The following ITGB1 variants were observed in gnomAD, a reference collection of about 807,000 sequenced individuals.
The protein encoded by ITGB1 is integrin subunit beta 1.
Under a neutral mutation model 86.5 loss-of-function variants are expected in ITGB1, and 24 were observed. The observed-to-expected ratio is 0.28, with a 90% CI of 0.20 to 0.39. The LOEUF (loss-of-function observed/expected upper bound fraction) is 0.39, where lower values mean the gene tolerates loss of function less well. ITGB1 is among the 10% of genes least tolerant of loss of function. The probability of loss-of-function intolerance (pLI) is 1.00; values close to 1 mark genes in which losing one functional copy is unlikely to be tolerated. For missense variants in ITGB1, 556 were observed against 946.9 expected (o/e 0.59, Z 5.42); for synonymous variants, 323 against 316.8 (o/e 1.02, Z -0.21).
intron 1 of ITGB1, among the ~76,000 whole-genome samples, chr10:32,948,306 A>C (rs1483268639): frequency 6.6e-6 from 1 of 152,218 alleles, no homozygotes; most frequent in African/African-American, 2.4e-5. Flanking sequence ...TAAATATTTT[A>C]TACTGACAAA....
At chr10:32,933,765 A>G (rs2094991765) in intron 2 of ITGB1, among the ~76,000 whole-genome samples, 1 of 152,170 alleles carries the variant, frequency 6.6e-6, no homozygotes, top group Non-Finnish European at 1.5e-5. Context: ...GATGCACTTT[A>G]TATATACAGT....
At chr10:32,902,138 G>C (rs942346602) in intron 15 of ITGB1, among the ~76,000 whole-genome samples, 1 of 152,182 alleles carries the variant, frequency 6.6e-6, no homozygotes, top group African/African-American at 2.4e-5. Context: ...GAGTAAGGCT[G>C]TCATTGTGTC....
chr10:32,905,873 GAGA>G (rs1012688594), intron 15 of ITGB1, among the ~76,000 whole-genome samples: 5 of 152,184 alleles, frequency 3.3e-5, no homozygotes, highest in Non-Finnish European at 4.4e-5. Flanking sequence ...AGTTGGGAAA[GAGA>G]AGAAGAGTTC....
chr10:32,928,782 A>G (rs1235769384), intron 4 of ITGB1, among the ~76,000 whole-genome samples: 4 of 151,502 alleles, frequency 2.6e-5, no homozygotes, highest in Non-Finnish European at 5.9e-5. Context: ...TATTATCATT[A>G]TGAGGCAAAG....
chr10:32,903,234 C>T (rs2094886564), intron 15 of ITGB1, among the ~76,000 whole-genome samples: 1 of 150,994 alleles, frequency 6.6e-6, no homozygotes, highest in Admixed American at 6.6e-5. Flanking sequence ...TGCCTGTAAT[C>T]CCAGCTACTC....
chr10:32,940,227 C>T (rs1310990164), intron 1 of ITGB1, among the ~76,000 whole-genome samples: 1 of 152,032 alleles, frequency 6.6e-6, no homozygotes, highest in Non-Finnish European at 1.5e-5. Context: ...CATCTGTAGT[C>T]CCAGCTACTC....
chr10:32,910,470 A>G lies in ITGB1; in HGVS notation c.1932-15T>C. Reference sequence around the variant, plus strand: ...GAACACATTCTCTGTTACAAAAAACACAAATTATGATATTTACATTTTATT... The same window carrying G: ...GAACACATTCTCTGTTACAAAAAACGCAAATTATGATATTTACATTTTATT... On this transcript the variant is annotated splice_polypyrimidine_tract_variant and intron_variant, in intron 13 of 15. Transcript: ENST00000302278. 1 of 1,484,164 alleles carries G rather than the reference A, an allele frequency of 6.7e-7. No homozygotes were observed. Among genetic ancestry groups the G allele is most frequent in the Non-Finnish European group, 9.3e-7 (1 of 1,076,646 alleles). 91.9% of individuals were successfully genotyped at this position (1,484,164 alleles called of 1,614,324 possible). A position where few individuals can be genotyped will look rare whatever the true frequency, so the allele number is the denominator to read the frequency against.
intron 3 of ITGB1, among the ~76,000 whole-genome samples, chr10:32,930,601 C>CT (rs933947849): frequency 6.6e-6 from 1 of 152,076 alleles, no homozygotes; most frequent in African/African-American, 2.4e-5. Flanking sequence ...TTTGAAAAAA[C>CT]TTTAAGTATT....
intron 1 of ITGB1, among the ~76,000 whole-genome samples, chr10:32,941,976 A>T (rs530195286): frequency 1.3e-5 from 2 of 152,226 alleles, no homozygotes; most frequent in Non-Finnish European, 2.9e-5. Context: ...ATCTCAGGAG[A>T]TAAGTCAAGA....
chr10:32,922,309 G>A lies in ITGB1; in HGVS notation c.1076C>T (p.Thr359Ile). Residue 359 changes from threonine (T) to isoleucine (I), a missense_variant, in exon 9 of 16, where the codon ACA (threonine) becomes ATA (isoleucine). Transcript: ENST00000302278. ...KNLIPKSAVG[T>I]LSANSSNVIQ... The stretch of plus-strand genomic sequence containing the variant: ...TACATTGCTAGAATTTGCAGATAAT[G>A]TTCCTACTGCTGACTTAGGGATCAA... 1 of 1,609,812 alleles carries A rather than the reference G, an allele frequency of 6.2e-7. No individual in the cohort carries two copies. The highest frequency in any genetic ancestry group is 8.5e-7 in the Non-Finnish European group (1 of 1,178,048).
At position 32,954,114 on chromosome 10, in the gene ITGB1, T is replaced by C. The variant is rs752468840; in HGVS notation, c.-1+4031A>G. Among the ~76,000 whole-genome samples, 132 of 152,110 alleles carry C rather than the reference T, an allele frequency of 8.7e-4. 1 individual carries two copies. Among genetic ancestry groups the C allele is most frequent in the Non-Finnish European group, 6.2e-4 (42 of 68,010 alleles). ...TCAACCAGCAATAGACTAAGAATTG[T>C]CAAATTGAAATCTCTCAGAGTTTTT... On this transcript the variant is annotated intron_variant, in intron 1 of 15. Transcript: ENST00000302278.
At chr10:32,918,218 T>C (rs549471304) in intron 11 of ITGB1, among the ~76,000 whole-genome samples, 13 of 152,126 alleles carry the variant, frequency 8.5e-5, no homozygotes, top group Admixed American at 7.2e-4. Context: ...GGGGCAGGGA[T>C]AGCATTAGGA....
chr10:32,935,019 G>C (rs998993479), intron 2 of ITGB1, among the ~76,000 whole-genome samples: 1 of 152,066 alleles, frequency 6.6e-6, no homozygotes, highest in Admixed American at 6.6e-5. Context: ...TTATAGAAGG[G>C]TTAAATACAT....
intron 1 of ITGB1, chr10:32,936,079 A>G (rs1022967763): frequency 2.6e-5 from 4 of 152,354 alleles, no homozygotes; most frequent in Admixed American, 2.0e-4. Context: ...TAAGGCCAAC[A>G]TCCTGCATAA....
chr10:32,903,177 C>A (rs2094886370), intron 15 of ITGB1, among the ~76,000 whole-genome samples: 1 of 151,534 alleles, frequency 6.6e-6, no homozygotes, highest in Non-Finnish European at 1.5e-5. Context: ...CACGGTAAAA[C>A]CCCGTCTCTA....
In ITGB1 at chr10:32,925,967, T is replaced by G; in HGVS notation, c.690A>C (p.Glu230Asp). 1 of 1,614,088 alleles carries G rather than the reference T, an allele frequency of 6.2e-7. No individual in the cohort carries two copies. The highest frequency in any genetic ancestry group is 1.1e-5 in the South Asian group (1 of 91,088). ...KNVLSLTNKG[E>D]VFNELVGKQR... Reference sequence around the variant, plus strand: ...GTTTTCCAACAAGTTCATTAAATACTTCTCCTTTATTAGTAAGACTGAGCA... The same window carrying G: ...GTTTTCCAACAAGTTCATTAAATACGTCTCCTTTATTAGTAAGACTGAGCA... Residue 230 changes from glutamate to aspartate, a missense_variant, in exon 6 of 16, where the codon GAA (glutamate) becomes GAC (aspartate). Physicochemically the swap from Glu to Asp is conservative, Grantham distance 45 (BLOSUM62 2). Coordinates refer to ENST00000302278, the MANE Select transcript of ITGB1 (RefSeq NM_002211.4).
intron 1 of ITGB1, among the ~76,000 whole-genome samples, chr10:32,950,961 C>G (rs191718358): frequency 9.2e-4 from 140 of 152,236 alleles, no homozygotes; most frequent in African/African-American, 3.0e-3. Flanking sequence ...TTTATCACCA[C>G]CCAATCTACA....
At chr10:32,929,365 C>A (rs1451663227) in intron 4 of ITGB1, among the ~76,000 whole-genome samples, 1 of 152,006 alleles carries the variant, frequency 6.6e-6, no homozygotes, top group Non-Finnish European at 1.5e-5. Context: ...CAAGAAAGGT[C>A]GGAAACCAGA....
chr10:32,917,769 T>C (rs916657407), intron 11 of ITGB1, among the ~76,000 whole-genome samples: 2 of 152,208 alleles, frequency 1.3e-5, no homozygotes, highest in Non-Finnish European at 2.9e-5. Context: ...GTTCAACCAT[T>C]GTGGAAGACA....
Sources: allele counts gnomAD v4.1 joint callset (sites outside exome capture counted in the v4.1 genomes callset), GRCh38; gene constraint gnomAD v4.1.1; transcripts MANE v1.5; gene names NCBI Gene and HGNC (gene_info 2026-07-23, HGNC 2026-07-21).